TMEM156: variants seen among roughly 807,000 people sequenced by gnomAD.
TMEM156 encodes transmembrane protein 156.
Under a neutral mutation model 30.5 loss-of-function variants are expected in TMEM156, and 28 were observed. The observed-to-expected ratio is 0.92, with a 90% confidence interval of 0.68 to 1.26. The LOEUF (loss-of-function observed/expected upper bound fraction) is 1.26, where lower values mean the gene tolerates loss of function less well. Among genes scored for constraint, TMEM156 ranks in the 50% most tolerant of loss-of-function variants. The pLI is 0.00. For synonymous variants in TMEM156, 137 were observed against 119.9 expected, an observed-to-expected ratio of 1.14 and a Z score of -0.93; for missense variants, 351 against 340.6, an observed-to-expected ratio of 1.03 and a Z score of -0.24.
chr4:38,974,326 T>C (rs977779039), intron 5 of TMEM156, among the ~76,000 whole-genome samples: 1 of 151,902 alleles, frequency 6.6e-6, no homozygotes, highest in Non-Finnish European at 1.5e-5. Context: ...TGCCTCAGCC[T>C]TGCAAAGCCC....
At chr4:38,970,252 C>G (rs1454615054) in intron 6 of TMEM156, among the ~76,000 whole-genome samples, 1 of 152,094 alleles carries the variant, frequency 6.6e-6, no homozygotes, top group Non-Finnish European at 1.5e-5. Context: ...GGGCCCCACT[C>G]TTCCTAGTCT....
At chr4:39,000,572 G>A (rs1713269523) in intron 1 of TMEM156, among the ~76,000 whole-genome samples, 1 of 152,132 alleles carries the variant, frequency 6.6e-6, no homozygotes, top group Non-Finnish European at 1.5e-5. Flanking sequence ...TTTGAAATTT[G>A]TACAAATATA....
chr4:39,004,576 A>G (rs1247270571), intron 1 of TMEM156, among the ~76,000 whole-genome samples: 1 of 152,078 alleles, frequency 6.6e-6, no homozygotes, highest in African/African-American at 2.4e-5. Flanking sequence ...GGAATATACC[A>G]TATGTATTCT....
intron 1 of TMEM156, among the ~76,000 whole-genome samples, chr4:39,025,691 C>T (rs1447306650): frequency 6.6e-6 from 1 of 151,936 alleles, no homozygotes; most frequent in Non-Finnish European, 1.5e-5. Context: ...TTTTACTTGT[C>T]AAAATAAGAG....
chr4:38,970,798 T>G (rs1722562229), intron 6 of TMEM156, among the ~76,000 whole-genome samples: 1 of 152,162 alleles, frequency 6.6e-6, no homozygotes, highest in South Asian at 2.1e-4. Context: ...CAGGAGCAGT[T>G]TAAAAGACTA....
At chr4:39,016,820 C>T (rs940777520) in intron 1 of TMEM156, among the ~76,000 whole-genome samples, 18 of 151,996 alleles carry the variant, frequency 1.2e-4, no homozygotes, top group African/African-American at 1.9e-4. Context: ...TCTATTCTCA[C>T]GCTGCTAATA....
At chr4:38,984,309 C>A (rs1021119981) in intron 5 of TMEM156, among the ~76,000 whole-genome samples, 9 of 137,440 alleles carry the variant, frequency 6.5e-5, no homozygotes. Context: ...GCCCATTTAT[C>A]TCTCTCTCTC....
At chr4:39,017,168 C>G (rs1393387428) in intron 1 of TMEM156, among the ~76,000 whole-genome samples, 1 of 107,738 alleles carries the variant, frequency 9.3e-6, no homozygotes, top group African/African-American at 4.0e-5. Context: ...GTATGTATTT[C>G]TTCTTTTTTT....
chr4:39,007,199 T>G (rs181154275), intron 1 of TMEM156, among the ~76,000 whole-genome samples: 197 of 152,294 alleles, frequency 1.3e-3, no homozygotes, highest in Middle Eastern at 3.4e-3. Context: ...CTACTTTTCC[T>G]GTATACAAGC....
chr4:38,972,138 G>A (rs1423846902), intron 5 of TMEM156, among the ~76,000 whole-genome samples: 1 of 151,392 alleles, frequency 6.6e-6, no homozygotes, highest in Non-Finnish European at 1.5e-5. Context: ...TACTTAAGAA[G>A]AGAAATCAGA....
intron 4 of TMEM156, among the ~76,000 whole-genome samples, chr4:38,986,744 G>A (rs376692500): frequency 9.1e-5 from 13 of 143,028 alleles, no homozygotes; most frequent in Admixed American, 2.9e-4. Context: ...GGAGGTGGAG[G>A]TTGCAGTGAG....
intron 6 of TMEM156, among the ~76,000 whole-genome samples, chr4:38,970,451 G>A (rs973080526): frequency 2.0e-5 from 3 of 152,102 alleles, no homozygotes; most frequent in Non-Finnish European, 4.4e-5. Context: ...TAAGTGGGAT[G>A]CTTATAAATG....
chr4:38,993,898 C>T lies in TMEM156; in HGVS notation c.459G>A (p.Glu153=). Residue 153 remains glutamate, a synonymous_variant, in exon 3 of 7, where the codon GAG becomes GAA. Coordinates refer to ENST00000381938, the MANE Select transcript of TMEM156 (RefSeq NM_024943.3). ...TTAGATGACAGGTAGTGTTATATTC[C>T]TCCAAGTGGTCAACCAGAGGAGCTA... ...FSVAPLVDHL[E]EYNTTCHLKN... is the part of the protein sequence containing the mutation. 1 of 1,614,048 alleles carries T rather than the reference C, an allele frequency of 6.2e-7. No homozygotes were observed. Among genetic ancestry groups the T allele is most frequent in the Non-Finnish European group, 8.5e-7 (1 of 1,180,004 alleles).
intron 1 of TMEM156, among the ~76,000 whole-genome samples, chr4:39,017,732 T>C (rs907277873): frequency 6.6e-6 from 1 of 152,230 alleles, no homozygotes; most frequent in Non-Finnish European, 1.5e-5. Flanking sequence ...TTCTTGTGAA[T>C]TGAAACTTCT....
At chr4:38,997,288 G>A (rs1166139905) in intron 2 of TMEM156, among the ~76,000 whole-genome samples, 1 of 152,206 alleles carries the variant, frequency 6.6e-6, no homozygotes, top group Non-Finnish European at 1.5e-5. Context: ...ACAAGGGGCA[G>A]AGGGGTGAGG....
chr4:38,971,244 G>C, intron 5 of TMEM156, 107 bp from the exon 6 acceptor site: 1 of 1,070,858 alleles, frequency 9.3e-7, no homozygotes, highest in Non-Finnish European at 1.4e-6. Flanking sequence ...TCTACCTCTA[G>C]AAAGGATTTT....
intron 4 of TMEM156, 91 bp downstream of exon 4, chr4:38,988,760 G>A: frequency 6.7e-7 from 1 of 1,502,598 alleles, no homozygotes; most frequent in Non-Finnish European, 9.1e-7. Context: ...ATTCACAGTA[G>A]GTGCACAAGA....
chr4:39,013,707 A>G (rs980844215), intron 1 of TMEM156, among the ~76,000 whole-genome samples: 1 of 152,116 alleles, frequency 6.6e-6, no homozygotes, highest in African/African-American at 2.4e-5. Context: ...GCCAATTGTT[A>G]TAATTATTTA....
At chr4:39,024,026 TG>T (rs919780977) in intron 1 of TMEM156, among the ~76,000 whole-genome samples, 3 of 151,324 alleles carry the variant, frequency 2.0e-5, no homozygotes, top group African/African-American at 7.3e-5. Flanking sequence ...AGGAATCTTT[TG>T]TTTGTTTATT....
Sources: gnomAD v4.1 joint callset for allele counts (sites outside exome capture counted in the v4.1 genomes callset) on GRCh38, gnomAD v4.1.1 for gene constraint, MANE v1.5 for transcripts, NCBI Gene and HGNC (gene_info 2026-07-23, HGNC 2026-07-21) for gene names.